The following UNC5D variants were observed in gnomAD, a reference collection of about 807,000 sequenced individuals.
UNC5D encodes unc-5 netrin receptor D.
A neutral mutation model predicts 105.4 loss-of-function variants in UNC5D; 39 were observed. The ratio of observed to expected loss-of-function variants is 0.37; its 90% CI spans 0.29 to 0.48. The LOEUF (loss-of-function observed/expected upper bound fraction) is 0.48. Among genes scored for constraint, UNC5D ranks in the 20% least tolerant of loss-of-function variants. The pLI is 0.98. For missense variants in UNC5D, 991 were observed against 1,202.4 expected, an observed-to-expected ratio of 0.82 and a Z score of 2.60; for synonymous variants, 452 against 450.4, an observed-to-expected ratio of 1.00 and a Z score of -0.04.
At chr8:35,774,863 G>C (rs532059434) in intron 16 of UNC5D, among the ~76,000 whole-genome samples, 1 of 146,724 alleles carries the variant, frequency 6.8e-6, no homozygotes, top group Non-Finnish European at 1.5e-5. Context: ...GCAGGTCAAG[G>C]CTGCAGTGAG....
rs116401853 is a variant in UNC5D, at chr8:35,520,047, C to G, written c.104-29245C>G. On this transcript the variant is annotated intron_variant, in intron 1 of 16. Coordinates refer to ENST00000404895, the MANE Select transcript of UNC5D (RefSeq NM_080872.4). ...ACCATAGAGCTGCCATATGACCCCC[C>G]CAATTTTACACCTAGGTTATACTCT... 6.4e-3 allele frequency among the ~76,000 whole-genome samples: 969 copies of G among 152,148 alleles called. 9 individuals carry two copies. Among genetic ancestry groups the G allele is most frequent in the African/African-American group, 0.022 (930 of 41,528 alleles).
chr8:35,373,227 A>T (rs945691010), intron 1 of UNC5D, among the ~76,000 whole-genome samples: 1 of 152,166 alleles, frequency 6.6e-6, no homozygotes. Flanking sequence ...ATTTCAGAAT[A>T]GTTTTGCTTT....
intron 4 of UNC5D, among the ~76,000 whole-genome samples, chr8:35,600,810 C>A (rs956408107): frequency 1.3e-5 from 2 of 152,096 alleles, no homozygotes; most frequent in African/African-American, 4.8e-5. Context: ...TTAATTAGAT[C>A]CCATTTGTCA....
intron 1 of UNC5D, among the ~76,000 whole-genome samples, chr8:35,243,665 A>T (rs1028862386): frequency 6.6e-6 from 1 of 151,986 alleles, no homozygotes; most frequent in African/African-American, 2.4e-5. Flanking sequence ...CAGTTGTTTT[A>T]AAAAAAACAG....
intron 3 of UNC5D, among the ~76,000 whole-genome samples, chr8:35,580,675 C>A (rs775594456): frequency 6.6e-6 from 1 of 152,066 alleles, no homozygotes; most frequent in African/African-American, 2.4e-5. Context: ...AGTTTTGTTA[C>A]ATTTGACGTG....
At chr8:35,477,952 A>G (rs1810231655) in intron 1 of UNC5D, among the ~76,000 whole-genome samples, 1 of 152,146 alleles carries the variant, frequency 6.6e-6, no homozygotes, top group Non-Finnish European at 1.5e-5. Context: ...AAGTAAATAG[A>G]ATGGATTTTG....
intron 4 of UNC5D, among the ~76,000 whole-genome samples, chr8:35,644,358 C>G (rs140944587): frequency 6.6e-6 from 1 of 152,220 alleles, no homozygotes; most frequent in Non-Finnish European, 1.5e-5. Flanking sequence ...ATTAACACAG[C>G]TGATGTCACA....
chr8:35,407,812 T>C (rs557431533), intron 1 of UNC5D, among the ~76,000 whole-genome samples: 45 of 152,146 alleles, frequency 3.0e-4, no homozygotes, highest in Non-Finnish European at 6.2e-4. Context: ...GTTTCTGTGT[T>C]AGTTTGCTAA....
At chr8:35,454,834 G>T (rs563365043) in intron 1 of UNC5D, among the ~76,000 whole-genome samples, 2 of 152,208 alleles carry the variant, frequency 1.3e-5, no homozygotes, top group African/African-American at 4.8e-5. Context: ...TGAGGGTAAA[G>T]GAAAAAATTT....
At chr8:35,359,581 C>G (rs544027054) in intron 1 of UNC5D, among the ~76,000 whole-genome samples, 3 of 152,290 alleles carry the variant, frequency 2.0e-5, no homozygotes, top group African/African-American at 7.2e-5. Flanking sequence ...TTATACCATA[C>G]ATGGATTACT....
chr8:35,721,540 T>A, intron 8 of UNC5D: 2 of 702,588 alleles, frequency 2.8e-6, no homozygotes, highest in South Asian at 3.0e-5. Flanking sequence ...GAGTCTAGCA[T>A]TTAATTGGTG....
intron 1 of UNC5D, among the ~76,000 whole-genome samples, chr8:35,413,959 A>G (rs1424478142): frequency 2.0e-5 from 3 of 152,120 alleles, no homozygotes; most frequent in African/African-American, 4.8e-5. Flanking sequence ...GGCTTTTAAA[A>G]AAGACTTGTT....
chr8:35,785,216 G>A (rs1802690661), intron 16 of UNC5D, among the ~76,000 whole-genome samples: 1 of 152,168 alleles, frequency 6.6e-6, no homozygotes. Flanking sequence ...AATGGGTCAC[G>A]TAGATTAGGA....
chr8:35,305,597 C>CTTTCA (rs1282811610), intron 1 of UNC5D, among the ~76,000 whole-genome samples: 89 of 86,782 alleles, frequency 1.0e-3, no homozygotes, highest in East Asian at 1.6e-3. Context: ...TTCTTTCTTT[C>CTTTCA]TTTCTTTCTT....
intron 1 of UNC5D, among the ~76,000 whole-genome samples, chr8:35,427,857 T>A (rs1806353421): frequency 6.6e-6 from 1 of 152,200 alleles, no homozygotes; most frequent in Admixed American, 6.5e-5. Context: ...TGGGATATAT[T>A]TCTTTCCTGC....
intron 1 of UNC5D, among the ~76,000 whole-genome samples, chr8:35,404,674 G>C (rs993799553): frequency 1.3e-5 from 2 of 151,942 alleles, no homozygotes; most frequent in African/African-American, 4.8e-5. Context: ...TGCAACCTCT[G>C]CCTCCTGGGT....
At chr8:35,253,732 G>A (rs935090092) in intron 1 of UNC5D, among the ~76,000 whole-genome samples, 18 of 151,660 alleles carry the variant, frequency 1.2e-4, no homozygotes, top group African/African-American at 2.7e-4. Flanking sequence ...CTTGTGATCC[G>A]CCCGCCTCGG....
rs1827903344 is a variant in UNC5D, at chr8:35,710,941, T to TGTTTTGTTTTGTTTTG, written c.1117+4980_1117+4981insGTTTTGTTTTGTTTTG. On this transcript the variant is annotated intron_variant, in intron 8 of 16. Coordinates refer to ENST00000404895, the MANE Select transcript of UNC5D (RefSeq NM_080872.4). Reference sequence around the variant, plus strand: ...CAGTAGCTCAGCATTATTCTTTTTTTTTTTTTTTTTTTTTTGAGACGGAGT... The same window carrying TGTTTTGTTTTGTTTTG: ...CAGTAGCTCAGCATTATTCTTTTTTTGTTTTGTTTTGTTTTGTTTTTTTTTTTTTTTGAGACGGAGT... Among the ~76,000 whole-genome samples, 125 of 123,764 alleles carry TGTTTTGTTTTGTTTTG rather than the reference T, an allele frequency of 1.0e-3. 3 individuals are homozygous for TGTTTTGTTTTGTTTTG. Among genetic ancestry groups the TGTTTTGTTTTGTTTTG allele is most frequent in the East Asian group, 3.3e-3 (14 of 4,196 alleles). 81.2% of individuals were successfully genotyped at this position (123,764 alleles called of 152,430 possible).
chr8:35,382,065 C>T (rs1803080029), intron 1 of UNC5D, among the ~76,000 whole-genome samples: 2 of 152,160 alleles, frequency 1.3e-5, no homozygotes, highest in Admixed American at 6.5e-5. Flanking sequence ...TTAAAAATAA[C>T]TTTGTAATTA....
Sources: allele counts gnomAD v4.1 joint callset (sites outside exome capture counted in the v4.1 genomes callset), GRCh38; gene constraint gnomAD v4.1.1; transcripts MANE v1.5; gene names NCBI Gene and HGNC (gene_info 2026-07-23, HGNC 2026-07-21).